SHOC1: variants seen among roughly 807,000 people sequenced by gnomAD.
SHOC1 encodes the protein protein shortage in chiasmata 1 ortholog.
SHOC1 carries 136 observed loss-of-function variants against 179.2 expected under a neutral mutation model. The observed-to-expected ratio is 0.76, with a 90% CI of 0.66 to 0.87. SHOC1 has a LOEUF of 0.87. Among genes scored for constraint, SHOC1 ranks in the 40% least tolerant of loss-of-function variants. The probability of loss-of-function intolerance (pLI) is 0.00; values close to 1 mark genes in which losing one functional copy is unlikely to be tolerated. For missense variants in SHOC1, 1,538 were observed against 1,700.8 expected, an observed-to-expected ratio of 0.90 and a Z score of 1.68; for synonymous variants, 489 against 586.6, an observed-to-expected ratio of 0.83 and a Z score of 2.41.
At chr9:111,687,752 CTTCT>C (rs140431519) in intron 27 of SHOC1, among the ~76,000 whole-genome samples, 14,076 of 116,724 alleles carry the variant, frequency 0.12, 1,773 homozygotes, top group African/African-American at 0.37. Context: ...TTTTCTTCTT[CTTCT>C]TTTTTTTTTT....
rs376380347 is a variant in SHOC1, at chr9:111,691,656, T to C, written c.4321A>G (p.Lys1441Glu). The C allele has an allele frequency of 3.1e-5, 50 of 1,613,956 alleles. 1 individual carries two copies. In the African/African-American group the frequency reaches 5.1e-4, roughly 16 times the overall value. The change falls in exon 27 of 28, where the codon AAA becomes GAA. Residue 1441 changes from lysine to glutamate, a missense_variant. Coordinates refer to ENST00000682961, the MANE Select transcript of SHOC1 (RefSeq NM_001378211.1). The part of the protein sequence containing the change: ...FRASDSNANQ[K>E]EFNSLYFYQR... ...TAGAAATAAAGGCTGTTGAATTCTTTTTGATTTGCATTAGAATCAGAAGCA... is the reference window on the plus strand; with the variant it reads ...TAGAAATAAAGGCTGTTGAATTCTTCTTGATTTGCATTAGAATCAGAAGCA...
intron 9 of SHOC1, 100 bp downstream of exon 9, chr9:111,747,992 G>T: frequency 1.4e-6 from 1 of 698,188 alleles, no homozygotes; most frequent in Non-Finnish European, 2.4e-6. Context: ...TTTTAAACAT[G>T]GAAACTGACT....
At chr9:111,791,312 G>A (rs1476336487) in intron 2 of SHOC1, 62 bp downstream of exon 2, 1 of 888,026 alleles carries the variant, frequency 1.1e-6, no homozygotes, top group Non-Finnish European at 1.6e-6. Context: ...TATATTGAAT[G>A]TAGTTAACAC....
chr9:111,696,098 T>C (rs1484988737), intron 24 of SHOC1, among the ~76,000 whole-genome samples: 1 of 152,136 alleles, frequency 6.6e-6, no homozygotes, highest in Non-Finnish European at 1.5e-5. Context: ...CCTACTTAAT[T>C]TGTTTGCAAA....
At chr9:111,792,930 T>C (rs1836495953) in intron 1 of SHOC1, among the ~76,000 whole-genome samples, 1 of 151,802 alleles carries the variant, frequency 6.6e-6, no homozygotes, top group Non-Finnish European at 1.5e-5. Context: ...TCCCCCAGGC[T>C]GGAGTGCAGT....
At chr9:111,793,745 A>G (rs1836527685) in intron 1 of SHOC1, among the ~76,000 whole-genome samples, 1 of 150,000 alleles carries the variant, frequency 6.7e-6, no homozygotes, top group South Asian at 2.1e-4. Context: ...ACAAACATCT[A>G]CTGGACTACT....
chr9:111,747,700 C>G (rs912181350), intron 9 of SHOC1, among the ~76,000 whole-genome samples: 1 of 152,078 alleles, frequency 6.6e-6, no homozygotes, highest in Non-Finnish European at 1.5e-5. Flanking sequence ...CGTGCCTCAG[C>G]CTCCTGAGTG....
At chr9:111,771,590 A>C (rs1282303295) in intron 5 of SHOC1, among the ~76,000 whole-genome samples, 1 of 152,154 alleles carries the variant, frequency 6.6e-6, no homozygotes, top group Non-Finnish European at 1.5e-5. Context: ...ATTTACTGTA[A>C]GATGATGGGT....
chr9:111,708,468 C>T (rs916097654), intron 18 of SHOC1, among the ~76,000 whole-genome samples: 4 of 152,144 alleles, frequency 2.6e-5, no homozygotes, highest in Admixed American at 6.5e-5. Context: ...TCCCAAAGTG[C>T]TGGGATTACA....
chr9:111,775,084 C>T (rs1005353773), intron 5 of SHOC1, among the ~76,000 whole-genome samples: 7 of 152,008 alleles, frequency 4.6e-5, no homozygotes, highest in Non-Finnish European at 8.8e-5. Flanking sequence ...TAACCTCCGT[C>T]CCCTGGGTTC....
chr9:111,718,157 A>G, intron 16 of SHOC1, 27 bp downstream of exon 16: 2 of 1,451,048 alleles, frequency 1.4e-6, no homozygotes, highest in Non-Finnish European at 1.9e-6. Context: ...TAGGAAGAAA[A>G]GAGGAAATAA....
rs750194957 is a variant in SHOC1, at chr9:111,694,395, A to C, written c.3184-33T>G. 9 of 1,488,452 alleles carry C rather than the reference A, an allele frequency of 6.0e-6. No homozygotes were observed. The African/African-American group carries it at 1.1e-4, about 19-fold the overall frequency. The allele number at this position is 1,488,452 out of a possible 1,614,324, so 92.2% of individuals were successfully genotyped here. A position where few individuals can be genotyped will look rare whatever the true frequency, so the allele number is the denominator to read the frequency against. The stretch of plus-strand genomic sequence containing the variant: ...ATATTTTTTATGTTAGATTATAGGA[A>C]ATACTAGGAAGCAAAATATAATATT... On this transcript the variant is annotated intron_variant, in intron 24 of 27. Transcript: ENST00000682961.
At chr9:111,742,642 T>C (rs1834095291) in intron 10 of SHOC1, among the ~76,000 whole-genome samples, 1 of 152,166 alleles carries the variant, frequency 6.6e-6, no homozygotes, top group African/African-American at 2.4e-5. Context: ...TGAGAACTGA[T>C]TGTATTCTGT....
intron 26 of SHOC1, among the ~76,000 whole-genome samples, chr9:111,693,472 G>GTAT (rs1299830442): frequency 6.8e-6 from 1 of 147,126 alleles, no homozygotes; most frequent in Non-Finnish European, 1.5e-5. Context: ...GCATGGTGAT[G>GTAT]TATACTTATA....
chr9:111,727,710 C>G lies in SHOC1; in HGVS notation c.1757G>C (p.Ser586Thr). Residue 586 changes from serine (S) to threonine (T), a missense_variant, in exon 13 of 28, where the codon AGC becomes ACC. Ser to Thr is a moderately conservative substitution (Grantham distance 58). Transcript: ENST00000682961. ...TTTATTTCGCAGCATAATAAAGTCG[C>G]TCAAAAGGTCCAAATCATTCTCTTG... is the stretch of plus-strand genomic sequence containing the variant. ...KKQENDLDLLSDFIMLRNKYK... is the reference protein window; with the variant it reads ...KKQENDLDLLTDFIMLRNKYK... The G allele has an allele frequency of 1.2e-6, 2 of 1,612,290 alleles. No individual in the cohort carries two copies. The highest frequency in any genetic ancestry group is 4.5e-5 in the East Asian group (2 of 44,754).
chr9:111,705,003 C>T (rs1201118508), intron 21 of SHOC1, among the ~76,000 whole-genome samples: 1 of 151,848 alleles, frequency 6.6e-6, no homozygotes, highest in Admixed American at 6.6e-5. Context: ...ATTGATATTA[C>T]CCAAAAATAT....
chr9:111,700,396 A>C (rs1831914407), intron 23 of SHOC1, among the ~76,000 whole-genome samples: 1 of 152,136 alleles, frequency 6.6e-6, no homozygotes, highest in Admixed American at 6.6e-5. Flanking sequence ...ACAGGTTCAG[A>C]CATGGACACA....
chr9:111,733,092 T>C (rs1421007844), intron 12 of SHOC1, among the ~76,000 whole-genome samples: 4 of 152,084 alleles, frequency 2.6e-5, no homozygotes, highest in African/African-American at 9.7e-5. Context: ...ACCATATCTG[T>C]GAGTGCAATA....
intron 12 of SHOC1, among the ~76,000 whole-genome samples, chr9:111,733,400 A>G: frequency 6.6e-6 from 1 of 152,214 alleles, no homozygotes; most frequent in East Asian, 1.9e-4. Context: ...AACAGGACTC[A>G]ATTTGTAAGT....
Sources: gnomAD v4.1 joint callset for allele counts (sites outside exome capture counted in the v4.1 genomes callset) on GRCh38, gnomAD v4.1.1 for gene constraint, MANE v1.5 for transcripts, NCBI Gene and HGNC (gene_info 2026-07-23, HGNC 2026-07-21) for gene names.